The following CHST11 variants were observed in gnomAD, a reference collection of about 807,000 sequenced individuals.
CHST11 encodes C4S-1.
CHST11 carries 9 observed loss-of-function variants against 30.4 expected under a neutral mutation model. The observed-to-expected ratio is 0.30, with a 90% CI of 0.18 to 0.52. CHST11 has a LOEUF of 0.52. Ranked by LOEUF, CHST11 falls within the 20% of genes least tolerant of loss-of-function variation. CHST11 has a pLI of 0.97. For missense variants in CHST11, 348 were observed against 460.6 expected (o/e 0.76, Z 2.24); for synonymous variants, 152 against 187.8 (o/e 0.81, Z 1.56).
At chr12:104,697,123 C>T (rs973820241) in intron 2 of CHST11, among the ~76,000 whole-genome samples, 4 of 152,208 alleles carry the variant, frequency 2.6e-5, no homozygotes, top group Admixed American at 2.6e-4. Context: ...ATAAGTGTGT[C>T]CCTATAGTGT....
intron 2 of CHST11, among the ~76,000 whole-genome samples, chr12:104,625,398 G>A (rs566289972): frequency 6.6e-6 from 1 of 152,224 alleles, no homozygotes; most frequent in African/African-American, 2.4e-5. Context: ...TCTGCCTCCC[G>A]GGTTCAAGCG....
At chr12:104,694,874 C>T (rs955255681) in intron 2 of CHST11, among the ~76,000 whole-genome samples, 2 of 152,218 alleles carry the variant, frequency 1.3e-5, no homozygotes, top group African/African-American at 4.8e-5. Flanking sequence ...TGAGCTTTGA[C>T]GTGGGAATCA....
intron 2 of CHST11, among the ~76,000 whole-genome samples, chr12:104,712,093 A>C (rs1193735691): frequency 6.6e-6 from 1 of 152,168 alleles, no homozygotes; most frequent in East Asian, 1.9e-4. Context: ...TGGAAAAGTC[A>C]AGCTGGGAGC....
At chr12:104,576,119 G>T (rs528582851) in intron 1 of CHST11, among the ~76,000 whole-genome samples, 132 of 152,120 alleles carry the variant, frequency 8.7e-4, no homozygotes, top group African/African-American at 3.1e-3. Context: ...CAGGCGTGAT[G>T]GTGGTTCACG....
intron 2 of CHST11, among the ~76,000 whole-genome samples, chr12:104,691,299 G>T (rs1346730210): frequency 6.6e-6 from 1 of 152,118 alleles, no homozygotes; most frequent in East Asian, 1.9e-4. Flanking sequence ...ACCAGGGAAG[G>T]GTGCCTAGAG....
Position 104,716,199 on chromosome 12 carries a change from C to T in CHST11, c.205-40750C>T, listed in dbSNP as rs147002364. ...CAGACATCTGCTTTAAATGGGGACT[C>T]CCTTCCTTTAGGGTAGAGAGAAACC... is the stretch of plus-strand genomic sequence containing the variant. On this transcript the variant is annotated intron_variant, in intron 2 of 2. Coordinates refer to ENST00000303694, the MANE Select transcript of CHST11 (RefSeq NM_018413.6). Among the ~76,000 whole-genome samples the T allele has an allele frequency of 6.8e-3, 1,034 of 152,328 alleles. 11 individuals are homozygous for T. Among genetic ancestry groups the T allele is most frequent in the African/African-American group, 0.023 (936 of 41,578 alleles).
intron 1 of CHST11, among the ~76,000 whole-genome samples, chr12:104,532,507 G>A (rs180722881): frequency 6.6e-6 from 1 of 152,288 alleles, no homozygotes; most frequent in Non-Finnish European, 1.5e-5. Context: ...GGCAAGGTGC[G>A]GGAGGGGTGC....
At chr12:104,529,323 C>T (rs973144247) in intron 1 of CHST11, among the ~76,000 whole-genome samples, 1 of 152,204 alleles carries the variant, frequency 6.6e-6, no homozygotes, top group Non-Finnish European at 1.5e-5. Context: ...AATCTGGCTG[C>T]CTTTTTCCAT....
At chr12:104,737,864 C>T (rs2040314206) in intron 2 of CHST11, among the ~76,000 whole-genome samples, 1 of 152,098 alleles carries the variant, frequency 6.6e-6, no homozygotes, top group Non-Finnish European at 1.5e-5. Flanking sequence ...AGGCTGTCCC[C>T]TGGGAAGGCT....
intron 1 of CHST11, among the ~76,000 whole-genome samples, chr12:104,503,705 A>G (rs2037874776): frequency 6.6e-6 from 1 of 152,086 alleles, no homozygotes; most frequent in Non-Finnish European, 1.5e-5. Flanking sequence ...TCTCCTGATT[A>G]TGATGGTGCT....
At chr12:104,464,463 C>G (rs2037439493) in intron 1 of CHST11, among the ~76,000 whole-genome samples, 1 of 152,084 alleles carries the variant, frequency 6.6e-6, no homozygotes, top group Non-Finnish European at 1.5e-5. Flanking sequence ...CCTGCTCCCC[C>G]TTGACCCCCA....
chr12:104,500,499 T>C (rs1348707584), intron 1 of CHST11, among the ~76,000 whole-genome samples: 3 of 152,214 alleles, frequency 2.0e-5, no homozygotes, highest in African/African-American at 7.2e-5. Context: ...TACCCTTTGA[T>C]GTTTTACCAA....
At chr12:104,679,439 C>A (rs938878434) in intron 2 of CHST11, among the ~76,000 whole-genome samples, 6 of 152,114 alleles carry the variant, frequency 3.9e-5, no homozygotes, top group African/African-American at 1.4e-4. Flanking sequence ...TGCTCCATAT[C>A]CCCCTGAGCC....
intron 2 of CHST11, among the ~76,000 whole-genome samples, chr12:104,693,506 A>G (rs1393159442): frequency 2.0e-5 from 3 of 152,264 alleles, no homozygotes; most frequent in African/African-American, 7.2e-5. Context: ...ATGTGTGGTC[A>G]CTTAAATTAC....
intron 2 of CHST11, among the ~76,000 whole-genome samples, chr12:104,688,115 G>A (rs1415371539): frequency 1.3e-5 from 2 of 152,176 alleles, no homozygotes; most frequent in Non-Finnish European, 2.9e-5. Context: ...CCCTGTGTGC[G>A]CGTTAAGAAC....
At chr12:104,681,910 G>A (rs927391501) in intron 2 of CHST11, among the ~76,000 whole-genome samples, 3 of 145,320 alleles carry the variant, frequency 2.1e-5, no homozygotes, top group Non-Finnish European at 4.5e-5. Context: ...GGCTCCCTGC[G>A]AGCTCTGCCT....
intron 1 of CHST11, among the ~76,000 whole-genome samples, chr12:104,480,218 A>G (rs2037606642): frequency 6.6e-6 from 1 of 151,666 alleles, no homozygotes; most frequent in Non-Finnish European, 1.5e-5. Context: ...CTCCAAATTC[A>G]TGTTCTTCCT....
chr12:104,490,273 C>T (rs2037732385), intron 1 of CHST11, among the ~76,000 whole-genome samples: 1 of 152,172 alleles, frequency 6.6e-6, no homozygotes, highest in Non-Finnish European at 1.5e-5. Context: ...AACTTTCCCA[C>T]CCTCTGGTGT....
chr12:104,680,434 A>G (rs2039783880), intron 2 of CHST11, among the ~76,000 whole-genome samples: 1 of 152,192 alleles, frequency 6.6e-6, no homozygotes, highest in Non-Finnish European at 1.5e-5. Flanking sequence ...GGGGATGGGG[A>G]CGGACATGTG....
Sources: gnomAD v4.1 joint callset for allele counts (sites outside exome capture counted in the v4.1 genomes callset) on GRCh38, gnomAD v4.1.1 for gene constraint, MANE v1.5 for transcripts, NCBI Gene and HGNC (gene_info 2026-07-23, HGNC 2026-07-21) for gene names.